Variants in XKR6 observed in about 807,000 individuals in gnomAD.
XKR6 encodes the protein XK-related protein 6.
In XKR6, 22 loss-of-function variants were observed where a neutral mutation model predicts 56.7. The observed-to-expected ratio is 0.39, with a 90% CI of 0.28 to 0.55. XKR6 has a LOEUF of 0.55. Among genes scored for constraint, XKR6 ranks in the 20% least tolerant of loss-of-function variants. The pLI is 0.66. For missense variants in XKR6, 852 were observed against 889.0 expected (o/e 0.96, Z 0.53); for synonymous variants, 524 against 387.8 (o/e 1.35, Z -4.13).
chr8:11,113,376 A>C (rs1228615763), intron 1 of XKR6, among the ~76,000 whole-genome samples: 1 of 152,122 alleles, frequency 6.6e-6, no homozygotes, highest in Non-Finnish European at 1.5e-5. Context: ...ATTAAATAAC[A>C]CTCCCCTCCA....
In XKR6 at chr8:10,898,725, A is replaced by G; in HGVS notation, c.1153T>C (p.Tyr385His). ...TGAACCACCACGAAGATCCCAAAAT[A>G]GAGCTGGAAGATGGAAGCAAAGAGG... ...FALFASIFQL[Y>H]FGIFVVVHWC... The change falls in exon 3 of 3, where the codon TAT becomes CAT. Residue 385 changes from tyrosine to histidine, a missense_variant. Around this residue, in one of 4 missense-constraint regions of XKR6, gnomAD observed 199 missense variants for 280.4 expected, o/e 0.71. Transcript: ENST00000416569. The surrounding 1 kb of genome is among the most constrained non-coding windows in gnomAD (Gnocchi z 6.6). 6.2e-7 allele frequency: 1 copy of G among 1,614,122 alleles called. No homozygotes were observed. Among genetic ancestry groups the G allele is most frequent in the Non-Finnish European group, 8.5e-7 (1 of 1,180,030 alleles).
At chr8:11,025,694 T>C (rs766285554) in intron 1 of XKR6, among the ~76,000 whole-genome samples, 9 of 152,224 alleles carry the variant, frequency 5.9e-5, no homozygotes, top group Non-Finnish European at 1.3e-4. Flanking sequence ...TACATCATGG[T>C]GCATGAAATA....
intron 1 of XKR6, among the ~76,000 whole-genome samples, chr8:11,142,342 C>T (rs959159940): frequency 7.2e-5 from 11 of 152,086 alleles, no homozygotes; most frequent in Non-Finnish European, 1.6e-4. Context: ...GCTATAAGGG[C>T]TTGTAAGGTC....
At chr8:10,997,072 G>C (rs747614159) in intron 1 of XKR6, among the ~76,000 whole-genome samples, 1 of 152,074 alleles carries the variant, frequency 6.6e-6, no homozygotes, top group East Asian at 1.9e-4. Flanking sequence ...CTTTCTCATC[G>C]TCTGCACCTT....
rs576504155 is a variant in XKR6, at chr8:11,130,942, C to A, written c.764+69634G>T. ...AATAGTAGATTTTATAGTCAAACTA[C>A]CTAATTCTGAGCAGAAGACCAAGAA... On this transcript the variant is annotated intron_variant, in intron 1 of 2. Transcript: ENST00000416569. Among the ~76,000 whole-genome samples the A allele has an allele frequency of 9.9e-5, 15 of 152,152 alleles. No homozygotes were observed. In the South Asian group the frequency reaches 2.9e-3, roughly 29 times the overall value.
intron 1 of XKR6, among the ~76,000 whole-genome samples, chr8:11,052,307 C>T (rs1043460685): frequency 2.0e-5 from 3 of 152,210 alleles, no homozygotes; most frequent in African/African-American, 4.8e-5. Context: ...AACAACACCC[C>T]CATCCCATAA....
intron 1 of XKR6, among the ~76,000 whole-genome samples, chr8:11,145,333 G>T (rs147273531): frequency 9.7e-4 from 148 of 152,168 alleles, no homozygotes; most frequent in African/African-American, 3.4e-3. Context: ...CACCAGAAAC[G>T]TCTCTAAGTC....
chr8:11,104,388 T>G (rs767591196), intron 1 of XKR6, among the ~76,000 whole-genome samples: 8 of 152,238 alleles, frequency 5.3e-5, no homozygotes, highest in Non-Finnish European at 1.0e-4. Context: ...CTTGACACAG[T>G]ATATATACAG....
At chr8:10,907,795 T>C (rs1371426722) in intron 2 of XKR6, among the ~76,000 whole-genome samples, 1 of 152,180 alleles carries the variant, frequency 6.6e-6, no homozygotes, top group Non-Finnish European at 1.5e-5. Flanking sequence ...CAAAGTCAAA[T>C]TTGTGGGTCT....
chr8:11,145,820 C>A (rs1800952174), intron 1 of XKR6, among the ~76,000 whole-genome samples: 2 of 152,154 alleles, frequency 1.3e-5, no homozygotes, highest in South Asian at 4.1e-4. Flanking sequence ...TCCTAGCACA[C>A]TGTTTTTGTA....
chr8:11,131,571 T>C lies in XKR6; in HGVS notation c.764+69005A>G, dbSNP rs376477569. Reference sequence around the variant, plus strand: ...TGAACAAAGGTACACAATAAAAAGTTTTCCTTTCATCCTTGCCATTAGCCG... The same window carrying C: ...TGAACAAAGGTACACAATAAAAAGTCTTCCTTTCATCCTTGCCATTAGCCG... On this transcript the variant is annotated intron_variant, in intron 1 of 2. Transcript: ENST00000416569. Among the ~76,000 whole-genome samples the C allele has an allele frequency of 3.1e-3, 468 of 152,264 alleles. 23 individuals carry two copies. The South Asian group carries it at 0.091, about 29-fold the overall frequency.
chr8:11,041,952 C>G (rs1799297107), intron 1 of XKR6, among the ~76,000 whole-genome samples: 2 of 152,204 alleles, frequency 1.3e-5, no homozygotes, highest in South Asian at 4.1e-4. Context: ...CACCCACACT[C>G]ATTGTACTGT....
At chr8:11,189,285 A>G (rs924407650) in intron 1 of XKR6, among the ~76,000 whole-genome samples, 2 of 152,250 alleles carry the variant, frequency 1.3e-5, no homozygotes, top group South Asian at 2.1e-4. Context: ...CTGAGCACCA[A>G]TGGGGATCAT....
chr8:10,941,339 C>G (rs1005238383), intron 1 of XKR6, among the ~76,000 whole-genome samples: 1 of 152,230 alleles, frequency 6.6e-6, no homozygotes, highest in Non-Finnish European at 1.5e-5. Context: ...CGCTTAGGAG[C>G]ACTCAGCACT....
At chr8:11,127,448 T>C (rs1799865997) in intron 1 of XKR6, among the ~76,000 whole-genome samples, 1 of 152,234 alleles carries the variant, frequency 6.6e-6, no homozygotes. Flanking sequence ...TAAGATAAAT[T>C]ATAGTTCTGT....
At chr8:11,125,587 C>A (rs1799735701) in intron 1 of XKR6, among the ~76,000 whole-genome samples, 1 of 152,088 alleles carries the variant, frequency 6.6e-6, no homozygotes, top group Non-Finnish European at 1.5e-5. Flanking sequence ...CTTCCTGAGA[C>A]CTATACACTC....
intron 1 of XKR6, among the ~76,000 whole-genome samples, chr8:10,980,227 G>A (rs1168979712): frequency 6.6e-6 from 1 of 152,182 alleles, no homozygotes; most frequent in East Asian, 1.9e-4. Context: ...GGAAGGCCAG[G>A]TTCTGGAGTG....
chr8:11,172,137 G>C (rs1013791557), intron 1 of XKR6, among the ~76,000 whole-genome samples: 1 of 152,010 alleles, frequency 6.6e-6, no homozygotes, highest in African/African-American at 2.4e-5. Context: ...TTGGGAGCCT[G>C]AGGCCAGCAG....
chr8:11,158,962 G>C (rs1249274967), intron 1 of XKR6, among the ~76,000 whole-genome samples: 1 of 152,218 alleles, frequency 6.6e-6, no homozygotes, highest in Admixed American at 6.5e-5. Context: ...CCGGCACTCA[G>C]TAGGACACGT....
Sources: allele counts gnomAD v4.1 joint callset (sites outside exome capture counted in the v4.1 genomes callset), GRCh38; gene constraint gnomAD v4.1.1; regional missense constraint gnomAD v4.1.1; non-coding constraint Gnocchi (gnomAD v3.1); transcripts MANE v1.5; gene names NCBI Gene and HGNC (gene_info 2026-07-23, HGNC 2026-07-21).